The following CDYL variants were observed in gnomAD, a reference collection of about 807,000 sequenced individuals.
CDYL encodes the protein chromodomain Y-like protein.
CDYL carries 8 observed loss-of-function variants against 47.3 expected under a neutral mutation model. That is an observed-to-expected ratio of 0.17 (90% CI 0.10 to 0.31). The LOEUF is 0.31. Among genes scored for constraint, CDYL ranks in the 10% least tolerant of loss-of-function variants. The pLI is 1.00. For missense variants in CDYL, 471 were observed against 701.4 expected (o/e 0.67, Z 3.71); for synonymous variants, 266 against 265.0 (o/e 1.00, Z -0.04).
Position 4,900,779 on chromosome 6 carries a change from G to GTGTGTATATATGTATGTATATA in CDYL, c.691+8401_691+8402insGTGTATATATGTATGTATATAT. ...TCTTCTGTTAATTCCGTATACGTGT[G>GTGTGTATATATGTATGTATATA]TATATATATATATATATATATATAT... On this transcript the variant is annotated intron_variant, in intron 2 of 6. Transcript: ENST00000397588. Among the ~76,000 whole-genome samples, 77 of 51,716 alleles carry GTGTGTATATATGTATGTATATA rather than the reference G, an allele frequency of 1.5e-3. 7 individuals carry two copies. The highest frequency in any genetic ancestry group is 2.6e-3 in the Non-Finnish European group (63 of 24,184). The allele number at this position is 51,716 out of a possible 152,430, so 33.9% of individuals were successfully genotyped here.
At chr6:4,815,371 T>C (rs528286263) in intron 1 of CDYL, among the ~76,000 whole-genome samples, 4 of 152,234 alleles carry the variant, frequency 2.6e-5, no homozygotes, top group Non-Finnish European at 4.4e-5. Context: ...TTACCACATA[T>C]CAACCTTCTC....
intron 3 of CDYL, among the ~76,000 whole-genome samples, chr6:4,744,655 A>G (rs188599529): frequency 2.6e-4 from 39 of 152,268 alleles, no homozygotes; most frequent in Middle Eastern, 6.8e-3. Flanking sequence ...ACCTTTACTA[A>G]TCTCTAAAAA....
chr6:4,819,764 A>G (rs1355008918), intron 1 of CDYL, among the ~76,000 whole-genome samples: 8 of 152,108 alleles, frequency 5.3e-5, no homozygotes, highest in Non-Finnish European at 8.8e-5. Context: ...ACATTTTGTG[A>G]TGGTCATAGC....
chr6:4,906,842 A>G (rs1306781996), intron 2 of CDYL, among the ~76,000 whole-genome samples: 1 of 152,086 alleles, frequency 6.6e-6, no homozygotes, highest in Non-Finnish European at 1.5e-5. Context: ...TCTACTTGCA[A>G]AGTCTTCCAC....
intron 2 of CDYL, among the ~76,000 whole-genome samples, chr6:4,896,645 G>T (rs920815255): frequency 6.6e-6 from 1 of 152,208 alleles, no homozygotes; most frequent in Non-Finnish European, 1.5e-5. Flanking sequence ...TGAATGAGGA[G>T]AAGCCGCGCT....
rs1309743618 is a variant in CDYL at position 4,895,425 on chromosome 6, G to A, written c.691+3046G>A. ...TATACATGTATACGTATATATGCAT[G>A]TATACATGTATACGTATATATGCAT... On this transcript the variant is annotated intron_variant, in intron 2 of 6. Transcript: ENST00000397588. Among the ~76,000 whole-genome samples, 6 of 3,892 alleles carry A rather than the reference G, an allele frequency of 1.5e-3. 2 individuals are homozygous for A. The highest frequency in any genetic ancestry group is 1.6e-3 in the African/African-American group (6 of 3,738). The allele number at this position is 3,892 out of a possible 152,430, so 2.6% of individuals were successfully genotyped here.
intron 1 of CDYL, among the ~76,000 whole-genome samples, chr6:4,785,927 G>A (rs1272853103): frequency 2.0e-5 from 3 of 152,226 alleles, no homozygotes; most frequent in African/African-American, 7.2e-5. Flanking sequence ...CAGGCTCCGT[G>A]GGGCCAGTCC....
At chr6:4,786,213 G>GT (rs1758752637) in intron 1 of CDYL, among the ~76,000 whole-genome samples, 3 of 152,174 alleles carry the variant, frequency 2.0e-5, no homozygotes, top group Admixed American at 2.0e-4. Context: ...GAAATCTCAA[G>GT]TTACCTTACA....
At chr6:4,905,330 G>A (rs910623547) in intron 2 of CDYL, among the ~76,000 whole-genome samples, 8 of 152,180 alleles carry the variant, frequency 5.3e-5, no homozygotes, top group East Asian at 1.9e-4. Context: ...CCAACTTAGC[G>A]GGGTTGACCT....
At chr6:4,932,049 G>C (rs1758047595) in intron 2 of CDYL, among the ~76,000 whole-genome samples, 1 of 152,284 alleles carries the variant, frequency 6.6e-6, no homozygotes, top group Non-Finnish European at 1.5e-5. Flanking sequence ...AGGAATGTGT[G>C]ACCTTTACGT....
intron 2 of CDYL, among the ~76,000 whole-genome samples, chr6:4,934,500 T>C (rs1480398138): frequency 1.3e-5 from 2 of 152,206 alleles, no homozygotes; most frequent in African/African-American, 4.8e-5. Flanking sequence ...ATATTTCTGA[T>C]TCATAATTCT....
At chr6:4,793,391 G>A (rs78853023) in intron 1 of CDYL, among the ~76,000 whole-genome samples, 1,534 of 152,246 alleles carry the variant, frequency 0.01, 39 homozygotes, top group African/African-American at 0.035. Context: ...ATCAGGGAGA[G>A]CTTCATTGAT....
intron 4 of CDYL, among the ~76,000 whole-genome samples, chr6:4,942,297 C>A (rs1758382378): frequency 6.6e-6 from 1 of 152,156 alleles, no homozygotes; most frequent in Non-Finnish European, 1.5e-5. Context: ...CACACAGACA[C>A]AACCCTCCTC....
intron 1 of CDYL, among the ~76,000 whole-genome samples, chr6:4,712,651 A>G (rs1757172650): frequency 6.6e-6 from 1 of 152,088 alleles, no homozygotes; most frequent in Admixed American, 6.5e-5. Flanking sequence ...CCCCATTCAC[A>G]CCTGGAACCA....
At chr6:4,901,518 A>G (rs1757053437) in intron 2 of CDYL, among the ~76,000 whole-genome samples, 1 of 152,098 alleles carries the variant, frequency 6.6e-6, no homozygotes, top group African/African-American at 2.4e-5. Context: ...TCCAACATTC[A>G]TCTTCCTCTT....
chr6:4,808,752 G>A (rs1193965184), intron 1 of CDYL, among the ~76,000 whole-genome samples: 3 of 152,132 alleles, frequency 2.0e-5, no homozygotes, highest in African/African-American at 4.8e-5. Context: ...TTTTGTGTAC[G>A]GCTCTTTTTG....
chr6:4,793,755 GA>G (rs2010861394), intron 1 of CDYL, among the ~76,000 whole-genome samples: 1 of 152,104 alleles, frequency 6.6e-6, no homozygotes, highest in Non-Finnish European at 1.5e-5. Context: ...GCATTTCGGG[GA>G]TATTTTGAAG....
chr6:4,735,211 G>C (rs11753484), intron 3 of CDYL, among the ~76,000 whole-genome samples: 1 of 151,696 alleles, frequency 6.6e-6, no homozygotes, highest in African/African-American at 2.4e-5. Flanking sequence ...GCTTGAACCC[G>C]GGAGATGGAG....
At chr6:4,713,690 A>T (rs1351825411) in intron 1 of CDYL, among the ~76,000 whole-genome samples, 2 of 151,440 alleles carry the variant, frequency 1.3e-5, no homozygotes, top group African/African-American at 2.4e-5. Flanking sequence ...TGGGTTCAAG[A>T]AGTTCTCCTG....
Sources: gnomAD v4.1 joint callset for allele counts (sites outside exome capture counted in the v4.1 genomes callset) on GRCh38, gnomAD v4.1.1 for gene constraint, MANE v1.5 for transcripts, NCBI Gene and HGNC (gene_info 2026-07-23, HGNC 2026-07-21) for gene names.